Variants in CEP170 observed in about 807,000 individuals in gnomAD.
The protein encoded by CEP170 is centrosomal protein of 170 kDa.
CEP170 carries 21 observed loss-of-function variants against 151.9 expected under a neutral mutation model. The ratio of observed to expected loss-of-function variants is 0.14; its 90% CI spans 0.10 to 0.20. The LOEUF (loss-of-function observed/expected upper bound fraction) is 0.20. Among genes scored for constraint, CEP170 ranks in the 10% least tolerant of loss-of-function variants. The probability of loss-of-function intolerance (pLI) is 1.00; values close to 1 mark genes in which losing one functional copy is unlikely to be tolerated. For synonymous variants in CEP170, 356 were observed against 648.8 expected (o/e 0.55, Z 6.86); for missense variants, 964 against 1,892.9 (o/e 0.51, Z 9.11).
chr1:243,246,701 G>A (rs2065436356), intron 1 of CEP170, among the ~76,000 whole-genome samples: 1 of 152,120 alleles, frequency 6.6e-6, no homozygotes, highest in Non-Finnish European at 1.5e-5. Context: ...ACATAACAGG[G>A]TTACTGGCTA....
intron 1 of CEP170, among the ~76,000 whole-genome samples, chr1:243,240,767 A>T (rs2064753783): frequency 6.6e-6 from 1 of 152,054 alleles, no homozygotes; most frequent in Admixed American, 6.6e-5. Context: ...ATCTCAGCTC[A>T]CTGCTACCTC....
intron 12 of CEP170, among the ~76,000 whole-genome samples, chr1:243,167,125 AAACATT>A (rs1346296365): frequency 6.6e-6 from 1 of 152,146 alleles, no homozygotes; most frequent in African/African-American, 2.4e-5. Flanking sequence ...AATGTCAAAT[AAACATT>A]GTTTATTTTC....
intron 7 of CEP170, among the ~76,000 whole-genome samples, chr1:243,194,032 T>C (rs781764592): frequency 6.6e-6 from 1 of 151,740 alleles, no homozygotes; most frequent in Non-Finnish European, 1.5e-5. Flanking sequence ...AAGACAGATA[T>C]GACAATGCCT....
At chr1:243,153,687 C>A (rs530416063) in intron 14 of CEP170, among the ~76,000 whole-genome samples, 1 of 152,096 alleles carries the variant, frequency 6.6e-6, no homozygotes, top group Non-Finnish European at 1.5e-5. Context: ...AGTGTTACTG[C>A]ACACAGTATA....
chr1:243,179,813 A>G (rs1341596613), intron 10 of CEP170, among the ~76,000 whole-genome samples: 1 of 152,230 alleles, frequency 6.6e-6, no homozygotes, highest in South Asian at 2.1e-4. Context: ...AACAAGACAA[A>G]TAACAAAATC....
intron 1 of CEP170, among the ~76,000 whole-genome samples, chr1:243,248,395 T>C (rs117904902): frequency 1.3e-5 from 2 of 152,192 alleles, no homozygotes; most frequent in Non-Finnish European, 2.9e-5. Flanking sequence ...AAAGTACCAA[T>C]TCTCAATTCT....
intron 10 of CEP170, among the ~76,000 whole-genome samples, chr1:243,178,456 AT>A (rs1427435018): frequency 6.6e-6 from 1 of 152,112 alleles, no homozygotes; most frequent in Non-Finnish European, 1.5e-5. Flanking sequence ...AATGTCTAGA[AT>A]AAGCAAATCC....
chr1:243,191,314 T>C lies in CEP170; in HGVS notation c.812A>G (p.His271Arg), dbSNP rs1558546718. The change falls in exon 8 of 20, where the codon CAT (histidine) becomes CGT (arginine). Residue 271 changes from histidine to arginine, a missense_variant. By Grantham distance (29) the His-to-Arg change is conservative. Transcript: ENST00000366542. ...EIPTKDTPSSHITGAGHASFT... is the reference protein window; with the variant it reads ...EIPTKDTPSSRITGAGHASFT... ...TGAAGCATGCCCTGCACCTGTTATATGGGAACTTGGCGTGTCTTTTGTTGG... is the reference window on the plus strand; with the variant it reads ...TGAAGCATGCCCTGCACCTGTTATACGGGAACTTGGCGTGTCTTTTGTTGG... 2 of 1,613,374 alleles carry C rather than the reference T, an allele frequency of 1.2e-6. No individual in the cohort carries two copies. Among genetic ancestry groups the C allele is most frequent in the South Asian group, 1.1e-5 (1 of 91,020 alleles).
chr1:243,159,311 G>A (rs951341793), intron 13 of CEP170, among the ~76,000 whole-genome samples: 2 of 152,194 alleles, frequency 1.3e-5, no homozygotes, highest in Non-Finnish European at 2.9e-5. Flanking sequence ...CACAGTCTGC[G>A]TAACGACAAA....
chr1:243,128,536 AT>A (rs1410603669), intron 18 of CEP170: 1 of 456,410 alleles, frequency 2.2e-6, no homozygotes, highest in Non-Finnish European at 3.7e-6. Flanking sequence ...ATTGTAGCAG[AT>A]GAAAAGTTTA....
chr1:243,198,732 A>G (rs2060823832), intron 7 of CEP170, among the ~76,000 whole-genome samples: 1 of 152,024 alleles, frequency 6.6e-6, no homozygotes, highest in South Asian at 2.1e-4. Context: ...GGTCTAATTG[A>G]TATATTTTAA....
intron 7 of CEP170, among the ~76,000 whole-genome samples, chr1:243,192,126 AC>A (rs1282861742): frequency 6.6e-6 from 1 of 152,206 alleles, no homozygotes; most frequent in African/African-American, 2.4e-5. Flanking sequence ...TTTTATAAAG[AC>A]TAAAACATGT....
intron 1 of CEP170, among the ~76,000 whole-genome samples, chr1:243,231,718 A>AT (rs1278544757): frequency 6.6e-6 from 1 of 152,190 alleles, no homozygotes; most frequent in East Asian, 1.9e-4. Flanking sequence ...GGAAATCAAA[A>AT]TGATACACTA....
At chr1:243,206,576 G>A (rs1169835428) in intron 4 of CEP170, among the ~76,000 whole-genome samples, 1 of 152,206 alleles carries the variant, frequency 6.6e-6, no homozygotes, top group Admixed American at 6.5e-5. Context: ...TGAAAATATG[G>A]ATCTGTACAA....
intron 1 of CEP170, among the ~76,000 whole-genome samples, chr1:243,233,633 T>C (rs2063967541): frequency 6.7e-6 from 1 of 149,972 alleles, no homozygotes; most frequent in Non-Finnish European, 1.5e-5. Context: ...ATTAGGAGGC[T>C]GAGGCAGGAG....
intron 14 of CEP170, among the ~76,000 whole-genome samples, chr1:243,155,644 AT>A (rs1209801298): frequency 6.6e-6 from 1 of 152,146 alleles, no homozygotes; most frequent in African/African-American, 2.4e-5. Flanking sequence ...TTAATTAAAA[AT>A]CATATCTGCA....
At chr1:243,194,553 C>T (rs1202238618) in intron 7 of CEP170, among the ~76,000 whole-genome samples, 1 of 151,820 alleles carries the variant, frequency 6.6e-6, no homozygotes, top group Non-Finnish European at 1.5e-5. Context: ...GTTCAATCAT[C>T]TGGAAAATTC....
Position 243,128,198 on chromosome 1 carries a change from C to T in CEP170, c.4465+51G>A. The stretch of plus-strand genomic sequence containing the variant: ...ATTTTAAGAAATACCACTCAGAAGG[C>T]ACTTATTCTAAATTATTAGCTCTTT... On this transcript the variant is annotated intron_variant, in intron 19 of 19. Transcript: ENST00000366542. 2.1e-6 allele frequency: 3 copies of T among 1,458,488 alleles called. No homozygotes were observed. The South Asian group carries it at 4.3e-5, about 21-fold the overall frequency. 90.3% of individuals were successfully genotyped at this position (1,458,488 alleles called of 1,614,324 possible). A position where few individuals can be genotyped will look rare whatever the true frequency, so the allele number is the denominator to read the frequency against.
At chr1:243,169,580 G>T in intron 12 of CEP170, 48 bp downstream of exon 12, 2 of 1,517,342 alleles carry the variant, frequency 1.3e-6, no homozygotes, top group Non-Finnish European at 1.8e-6. Context: ...GAGAAATGGA[G>T]AAAGAGAAGA....
Sources: allele counts gnomAD v4.1 joint callset (sites outside exome capture counted in the v4.1 genomes callset), GRCh38; gene constraint gnomAD v4.1.1; transcripts MANE v1.5; gene names NCBI Gene and HGNC (gene_info 2026-07-23, HGNC 2026-07-21).